Variants in TP63 observed in about 807,000 individuals in gnomAD.
The protein encoded by TP63 is tumor protein p63, also known as tumor protein 63.
TP63 carries 17 observed loss-of-function variants against 82.8 expected under a neutral mutation model. The ratio of observed to expected loss-of-function variants is 0.21; its 90% CI spans 0.14 to 0.31. The LOEUF (loss-of-function observed/expected upper bound fraction) is 0.31, where lower values mean the gene tolerates loss of function less well. Ranked by LOEUF, TP63 falls within the 10% of genes least tolerant of loss-of-function variation. The pLI is 1.00. For missense variants in TP63, 648 were observed against 895.3 expected (o/e 0.72, Z 3.52); for synonymous variants, 330 against 321.7 (o/e 1.03, Z -0.28).
intron 4 of TP63, among the ~76,000 whole-genome samples, chr3:189,813,910 TAG>T (rs1464070024): frequency 2.0e-5 from 3 of 152,212 alleles, no homozygotes; most frequent in African/African-American, 7.2e-5. Context: ...CCATGATTTA[TAG>T]AGAGTGTTCT....
intron 3 of TP63, among the ~76,000 whole-genome samples, chr3:189,807,762 A>C (rs1038164410): frequency 6.6e-6 from 1 of 152,228 alleles, no homozygotes; most frequent in African/African-American, 2.4e-5. Context: ...TCTGGGACAG[A>C]ATGCAGAATT....
the TP63 span, among the ~76,000 whole-genome samples, chr3:189,606,561 T>G: frequency 7.6e-6 from 1 of 131,058 alleles, no homozygotes; most frequent in Non-Finnish European, 1.5e-5. Flanking sequence ...TCACCTAGGC[T>G]GGAGGGCAGT....
At chr3:189,831,751 AT>A (rs1468949196) in intron 4 of TP63, among the ~76,000 whole-genome samples, 2 of 149,512 alleles carry the variant, frequency 1.3e-5, no homozygotes, top group Non-Finnish European at 3.0e-5. Context: ...GTTTTGATTT[AT>A]AACACATAGA....
chr3:189,878,640 G>A (rs1719539704), intron 10 of TP63, among the ~76,000 whole-genome samples: 1 of 150,028 alleles, frequency 6.7e-6, no homozygotes, highest in Non-Finnish European at 1.5e-5. Flanking sequence ...TGTTGGCCAG[G>A]CTGGTCTCAA....
intron 3 of TP63, among the ~76,000 whole-genome samples, chr3:189,772,675 TG>T (rs1723465249): frequency 6.6e-6 from 1 of 152,162 alleles, no homozygotes; most frequent in Non-Finnish European, 1.5e-5. Flanking sequence ...TTTCAAGAAA[TG>T]TGCTGTAAGA....
At chr3:189,827,347 A>G (rs1018129118) in intron 4 of TP63, among the ~76,000 whole-genome samples, 7 of 152,006 alleles carry the variant, frequency 4.6e-5, no homozygotes, top group African/African-American at 1.7e-4. Context: ...GCCTTGTGAT[A>G]CCCACCCCCC....
chr3:189,646,342 A>C (rs1287252732), intron 1 of TP63, among the ~76,000 whole-genome samples: 1 of 146,942 alleles, frequency 6.8e-6, no homozygotes, highest in Admixed American at 6.7e-5. Flanking sequence ...TTACAAATGC[A>C]TAGGAAGTGA....
intron 1 of TP63, among the ~76,000 whole-genome samples, chr3:189,735,866 C>T (rs1018147579): frequency 1.3e-5 from 2 of 151,930 alleles, no homozygotes; most frequent in African/African-American, 2.4e-5. Context: ...TACCCACATT[C>T]GAATAAGTAC....
chr3:189,658,202 A>G (rs1049007685), intron 1 of TP63, among the ~76,000 whole-genome samples: 2 of 152,106 alleles, frequency 1.3e-5, no homozygotes, highest in Admixed American at 6.6e-5. Flanking sequence ...AACAAAATTA[A>G]TAAAGTAGTA....
the TP63 span, among the ~76,000 whole-genome samples, chr3:189,620,638 C>T: frequency 1.3e-5 from 2 of 152,018 alleles, no homozygotes; most frequent in East Asian, 3.9e-4. Flanking sequence ...ATGAGGCATT[C>T]TTGAGTCAAA....
At chr3:189,735,784 C>A (rs1297332837) in intron 1 of TP63, among the ~76,000 whole-genome samples, 1 of 152,140 alleles carries the variant, frequency 6.6e-6, no homozygotes, top group Non-Finnish European at 1.5e-5. Context: ...TGAATACTGA[C>A]TGTGGTGATA....
At chr3:189,829,922 G>T in intron 4 of TP63, 1 of 390,962 alleles carries the variant, frequency 2.6e-6, no homozygotes, top group Non-Finnish European at 5.2e-6. Flanking sequence ...TTGTATTTAT[G>T]TTCCAGACAC....
chr3:189,691,607 T>C (rs1716937712), intron 1 of TP63, among the ~76,000 whole-genome samples: 1 of 152,160 alleles, frequency 6.6e-6, no homozygotes, highest in Non-Finnish European at 1.5e-5. Context: ...GGGGCCAAAA[T>C]TGCCTCTGGT....
At chr3:189,630,418 T>G (rs1729415640), upstream of TP63, among the ~76,000 whole-genome samples, 2 of 152,106 alleles carry the variant, frequency 1.3e-5, no homozygotes, top group Admixed American at 1.3e-4. Context: ...ATAAATTATT[T>G]TGTGTGTAGA....
intron 1 of TP63, among the ~76,000 whole-genome samples, chr3:189,638,259 C>A (rs941592487): frequency 6.6e-6 from 1 of 152,082 alleles, no homozygotes; most frequent in Admixed American, 6.6e-5. Flanking sequence ...TGTTTTGATG[C>A]GTTTAACTAA....
intron 10 of TP63, among the ~76,000 whole-genome samples, chr3:189,879,826 A>T (rs1719706021): frequency 6.6e-6 from 1 of 152,164 alleles, no homozygotes; most frequent in Non-Finnish European, 1.5e-5. Flanking sequence ...AGTGATTCTG[A>T]TGTTTATTTC....
At position 189,643,455 on chromosome 3, in the gene TP63, T is replaced by G. The variant is rs367689909; in HGVS notation, c.62+11878T>G. 2.4e-5 allele frequency among the ~76,000 whole-genome samples: 3 copies of G among 122,912 alleles called. No homozygotes were observed. In the South Asian group the frequency reaches 7.5e-4, roughly 31 times the overall value. 80.6% of individuals were successfully genotyped at this position (122,912 alleles called of 152,430 possible). ...TTCAAAAGCTATCCTTTAAACTGAT[T>G]AAAAAAAAAAAACCCTCAATGCTTT... On this transcript the variant is annotated intron_variant, in intron 1 of 13. Coordinates refer to ENST00000264731, the MANE Select transcript of TP63 (RefSeq NM_003722.5).
chr3:189,800,816 G>C (rs532212557), intron 3 of TP63, among the ~76,000 whole-genome samples: 16 of 152,288 alleles, frequency 1.1e-4, no homozygotes, highest in African/African-American at 3.6e-4. Context: ...AACTCCGTAA[G>C]AGAATTAATA....
chr3:189,779,546 T>C (rs1007087364), intron 3 of TP63, among the ~76,000 whole-genome samples: 1 of 152,150 alleles, frequency 6.6e-6, no homozygotes, highest in African/African-American at 2.4e-5. Flanking sequence ...TTGCAGAGCA[T>C]GCAAATAAAA....
Sources: allele counts gnomAD v4.1 joint callset (sites outside exome capture counted in the v4.1 genomes callset), GRCh38; gene constraint gnomAD v4.1.1; transcripts MANE v1.5; gene names NCBI Gene and HGNC (gene_info 2026-07-23, HGNC 2026-07-21).